Variants in CTSC observed in about 807,000 individuals in gnomAD.
CTSC encodes cathepsin C, also known as dipeptidyl peptidase 1.
CTSC carries 37 observed loss-of-function variants against 40.9 expected under a neutral mutation model. That is an observed-to-expected ratio of 0.91 (90% confidence interval 0.70 to 1.19). CTSC has a LOEUF of 1.19. Ranked by LOEUF, CTSC falls within the 50% of genes most tolerant of loss-of-function variation. CTSC has a pLI of 0.00. For missense variants in CTSC, 594 were observed against 567.3 expected, an observed-to-expected ratio of 1.05 and a Z score of -0.48; for synonymous variants, 232 against 207.4, an observed-to-expected ratio of 1.12 and a Z score of -1.02.
rs759984277 is a variant in CTSC, at chr11:88,337,636, G to T, written c.37C>A (p.Leu13Met). ...GCGCCGTCGCCGGAGAGAAGCAGCA[G>T]GAGGGCGGCGAGCAGCAAGGAGGGC... ...AGPSLLLAAL[L>M]LLLSGDGAVR... Residue 13 changes from leucine to methionine, a missense_variant, in exon 1 of 7, where the codon CTG (leucine) becomes ATG (methionine). By Grantham distance (15) the Leu-to-Met change is conservative. Transcript: ENST00000227266. 12 of 1,584,438 alleles carry T rather than the reference G, an allele frequency of 7.6e-6. No individual in the cohort carries two copies. In the African/African-American group the frequency reaches 8.1e-5, roughly 11 times the overall value.
chr11:88,308,300 G>A (rs1937679238), intron 4 of CTSC, among the ~76,000 whole-genome samples: 1 of 152,188 alleles, frequency 6.6e-6, no homozygotes, highest in Non-Finnish European at 1.5e-5. Flanking sequence ...GTGGGGAGAA[G>A]AGGAACCTGA....
Position 88,337,714 on chromosome 11 carries a change from G to A in CTSC, c.-42C>T, listed in dbSNP as rs1186048503. 6.5e-7 allele frequency: 1 copy of A among 1,549,720 alleles called. No individual in the cohort carries two copies. Among genetic ancestry groups the A allele is most frequent in the Admixed American group, 2.0e-5 (1 of 51,136 alleles). On this transcript the variant is annotated 5_prime_UTR_variant, in exon 1 of 7. Transcript: ENST00000227266. ...AAAAGAGGTGAAGAATTACCAGGAA[G>A]CCGAGCGCTGCGGGCTAGCGGTGAG...
intron 2 of CTSC, 33 bp downstream of exon 2, chr11:88,334,904 G>T (rs765848811): frequency 6.5e-7 from 1 of 1,538,096 alleles, no homozygotes. Context: ...TCAAATCATT[G>T]AAAATGTAAA....
intron 6 of CTSC, among the ~76,000 whole-genome samples, chr11:88,295,580 C>T (rs1020284687): frequency 3.9e-5 from 6 of 151,952 alleles, no homozygotes; most frequent in African/African-American, 1.2e-4. Context: ...GGGGTTTCGC[C>T]GTGTTGCCCA....
At chr11:88,300,492 C>T (rs778285599) in intron 5 of CTSC, 38 bp downstream of exon 5, 77 of 1,276,318 alleles carry the variant, frequency 6.0e-5, no homozygotes, top group South Asian at 1.4e-4. Context: ...TAAATAGTTC[C>T]AAACAAATTA....
intron 3 of CTSC, among the ~76,000 whole-genome samples, chr11:88,310,501 C>T (rs1937729601): frequency 1.3e-5 from 2 of 152,080 alleles, no homozygotes; most frequent in South Asian, 4.1e-4. Context: ...ATATAATTAA[C>T]CTGAGGAACA....
chr11:88,321,054 A>G (rs768064677), intron 2 of CTSC: 79 of 984,794 alleles, frequency 8.0e-5, no homozygotes, highest in Non-Finnish European at 9.0e-5. Context: ...CTTCTCTTCC[A>G]TAATAAAAGC....
intron 2 of CTSC, among the ~76,000 whole-genome samples, chr11:88,316,873 C>T (rs940607444): frequency 1.3e-5 from 2 of 152,210 alleles, no homozygotes; most frequent in Admixed American, 1.3e-4. Flanking sequence ...CTCTCCAAAG[C>T]TGCTTCCCTA....
intron 2 of CTSC, among the ~76,000 whole-genome samples, chr11:88,317,455 A>G (rs940640908): frequency 6.6e-6 from 1 of 152,200 alleles, no homozygotes; most frequent in Admixed American, 6.5e-5. Context: ...ATAATGTATC[A>G]ATTTTAGAAC....
chr11:88,324,748 CA>C, intron 2 of CTSC: 2 of 985,336 alleles, frequency 2.0e-6, no homozygotes, highest in Non-Finnish European at 2.4e-6. Flanking sequence ...TGATGTTTCT[CA>C]CGGTAATAGA....
At chr11:88,315,032 A>G (rs1290079480) in intron 2 of CTSC, among the ~76,000 whole-genome samples, 1 of 152,238 alleles carries the variant, frequency 6.6e-6, no homozygotes, top group African/African-American at 2.4e-5. Context: ...ACTTCATACT[A>G]AACTATGTAA....
In CTSC at chr11:88,326,648, T is replaced by A. The variant is rs76327215; in HGVS notation, c.318+8289A>T. ...ATGCTTAAGCAACATGTACTGCACATGCAACCAACATGCTTTAGAAGCACA... is the reference window on the plus strand; with the variant it reads ...ATGCTTAAGCAACATGTACTGCACAAGCAACCAACATGCTTTAGAAGCACA... On this transcript the variant is annotated intron_variant, in intron 2 of 6. Coordinates refer to ENST00000227266, the MANE Select transcript of CTSC (RefSeq NM_001814.6). 7.7e-4 allele frequency among the ~76,000 whole-genome samples: 118 copies of A among 152,288 alleles called. 1 individual carries two copies. Among genetic ancestry groups the A allele is most frequent in the Admixed American group, 5.9e-3 (90 of 15,292 alleles).
rs943818949 is a variant in CTSC, at chr11:88,326,515, GTTTC to G, written c.318+8418_318+8421del. 7 of 915,582 alleles carry G rather than the reference GTTTC, an allele frequency of 7.6e-6. No homozygotes were observed. The African/African-American group carries it at 1.2e-4, about 16-fold the overall frequency. 56.7% of individuals were successfully genotyped at this position (915,582 alleles called of 1,614,324 possible). On this transcript the variant is annotated intron_variant, in intron 2 of 6. Coordinates refer to ENST00000227266, the MANE Select transcript of CTSC (RefSeq NM_001814.6). ...TGTCTCTTAATATTTAATCATATCA[GTTTC>G]TTTAAGTAAAAAAAAAAAAAAATAC...
At position 88,312,428 on chromosome 11, in the gene CTSC, C is replaced by T. The variant is rs1296639535; in HGVS notation, c.445G>A (p.Val149Met). The change falls in exon 3 of 7, where the codon GTG (valine) becomes ATG (methionine). Residue 149 changes from valine (V) to methionine (M), a missense_variant. By Grantham distance (21) the Val-to-Met change is conservative. Coordinates refer to ENST00000227266, the MANE Select transcript of CTSC (RefSeq NM_001814.6). ...GKKVGTASEN[V>M]YVNIAHLKNS... ...TTAAGGTGTGCTATGTTGACATACACATTCTCAGAGGCAGTTCCCACCTTC... is the reference window on the plus strand; with the variant it reads ...TTAAGGTGTGCTATGTTGACATACATATTCTCAGAGGCAGTTCCCACCTTC... The T allele has an allele frequency of 6.2e-7, 1 of 1,614,160 alleles. No individual in the cohort carries two copies. The highest frequency in any genetic ancestry group is 8.5e-7 in the Non-Finnish European group (1 of 1,180,010).
In CTSC at chr11:88,337,533, C is replaced by A. The variant is rs569549142; in HGVS notation, c.140G>T (p.Gly47Val). ...GTWVFQVGSS[G>V]SQRDVNCSVM... ...CGAGCAGTTGACATCGCGCTGGGAACCGCTGGAGCCCACCTGGAAGACCCA... is the reference window on the plus strand; with the variant it reads ...CGAGCAGTTGACATCGCGCTGGGAAACGCTGGAGCCCACCTGGAAGACCCA... Residue 47 changes from glycine to valine, a missense_variant, in exon 1 of 7, where the codon GGT becomes GTT. By Grantham distance (109) the Gly-to-Val change is moderately radical. Coordinates refer to ENST00000227266, the MANE Select transcript of CTSC (RefSeq NM_001814.6). 71 of 1,576,106 alleles carry A rather than the reference C, an allele frequency of 4.5e-5. No homozygotes were observed. In the South Asian group the frequency reaches 7.5e-4, roughly 17 times the overall value.
At chr11:88,295,727 T>C (rs1037914512) in intron 6 of CTSC, among the ~76,000 whole-genome samples, 11 of 152,076 alleles carry the variant, frequency 7.2e-5, no homozygotes, top group Non-Finnish European at 1.3e-4. Context: ...CCAGTGTTAG[T>C]ATAGTTTTAA....
At chr11:88,312,629 T>A (rs1937790444) in intron 2 of CTSC, 75 bp from the exon 3 acceptor site, 1 of 1,505,078 alleles carries the variant, frequency 6.6e-7, no homozygotes, top group Non-Finnish European at 9.0e-7. Flanking sequence ...ATGGCTCTCA[T>A]TCACAGTAAA....
At chr11:88,302,292 G>A (rs984404310) in intron 4 of CTSC, among the ~76,000 whole-genome samples, 4 of 152,060 alleles carry the variant, frequency 2.6e-5, no homozygotes, top group Non-Finnish European at 4.4e-5. Flanking sequence ...AAATGGTCCC[G>A]TCTCTCACAG....
intron 3 of CTSC, among the ~76,000 whole-genome samples, chr11:88,310,898 G>GCT (rs10629747): frequency 0.88 from 133,263 of 152,182 alleles, 58,519 homozygotes; most frequent in East Asian, 1. Context: ...GCAGTAGCCT[G>GCT]CTGTTTCGCT....
Sources: gnomAD v4.1 joint callset for allele counts (sites outside exome capture counted in the v4.1 genomes callset) on GRCh38, gnomAD v4.1.1 for gene constraint, MANE v1.5 for transcripts, NCBI Gene and HGNC (gene_info 2026-07-23, HGNC 2026-07-21) for gene names.